Variants in PPM1E observed in about 807,000 individuals in gnomAD.
The protein encoded by PPM1E is protein phosphatase, Mg2+/Mn2+ dependent 1E.
A neutral mutation model predicts 65.9 loss-of-function variants in PPM1E; 20 were observed. That is an observed-to-expected ratio of 0.30 (90% CI 0.21 to 0.44). The LOEUF (loss-of-function observed/expected upper bound fraction) is 0.44, where lower values mean the gene tolerates loss of function less well. Among genes scored for constraint, PPM1E ranks in the 20% least tolerant of loss-of-function variants. The pLI, the probability that PPM1E is intolerant of heterozygous loss-of-function variation, is 1.00. For synonymous variants in PPM1E, 352 were observed against 374.9 expected, an observed-to-expected ratio of 0.94 and a Z score of 0.70; for missense variants, 713 against 953.1, an observed-to-expected ratio of 0.75 and a Z score of 3.32.
intron 1 of PPM1E, among the ~76,000 whole-genome samples, chr17:58,764,664 C>G (rs1222818670): frequency 6.6e-6 from 1 of 152,012 alleles, no homozygotes; most frequent in Admixed American, 6.6e-5. Context: ...GTCACCCGGG[C>G]TGGAGTGTAG....
intron 1 of PPM1E, among the ~76,000 whole-genome samples, chr17:58,779,172 C>G (rs1354015677): frequency 6.9e-6 from 1 of 144,778 alleles, no homozygotes; most frequent in African/African-American, 2.6e-5. Context: ...GTAATGAATT[C>G]TGATTTTTTT....
chr17:58,944,507 C>T (rs1487790008), intron 1 of PPM1E, among the ~76,000 whole-genome samples: 1 of 152,082 alleles, frequency 6.6e-6, no homozygotes, highest in East Asian at 1.9e-4. Context: ...CCCCTCCAGC[C>T]CTAAGCTACC....
intron 1 of PPM1E, among the ~76,000 whole-genome samples, chr17:58,876,055 C>CTATG (rs558722479): frequency 2.0e-5 from 3 of 152,048 alleles, no homozygotes; most frequent in Non-Finnish European, 4.4e-5. Context: ...ATGATGAGTA[C>CTATG]TATGGTTTGT....
At chr17:58,864,516 T>C (rs1451026140) in intron 1 of PPM1E, among the ~76,000 whole-genome samples, 1 of 152,094 alleles carries the variant, frequency 6.6e-6, no homozygotes, top group Non-Finnish European at 1.5e-5. Context: ...GGCTTGCGCC[T>C]GTAAGTCCAG....
intron 1 of PPM1E, among the ~76,000 whole-genome samples, chr17:58,870,821 C>T (rs1223856312): frequency 6.6e-6 from 1 of 152,068 alleles, no homozygotes; most frequent in African/African-American, 2.4e-5. Context: ...AGGAGGAATA[C>T]TTGGTTTTAG....
At chr17:58,853,915 G>A (rs2050855036) in intron 1 of PPM1E, among the ~76,000 whole-genome samples, 1 of 152,118 alleles carries the variant, frequency 6.6e-6, no homozygotes, top group African/African-American at 2.4e-5. Flanking sequence ...GGAGTCCCTT[G>A]AAATTCCATA....
chr17:58,809,549 A>C (rs1341208394), intron 1 of PPM1E, among the ~76,000 whole-genome samples: 1 of 151,964 alleles, frequency 6.6e-6, no homozygotes, highest in Non-Finnish European at 1.5e-5. Flanking sequence ...AGGCTGGGCT[A>C]ATTTTTGTTT....
intron 1 of PPM1E, among the ~76,000 whole-genome samples, chr17:58,857,036 A>C (rs1391069398): frequency 1.3e-5 from 2 of 152,100 alleles, no homozygotes; most frequent in Non-Finnish European, 2.9e-5. Flanking sequence ...AGTTTAACCT[A>C]TTTTTTGCCC....
At chr17:58,883,348 A>AT (rs1221267087) in intron 1 of PPM1E, among the ~76,000 whole-genome samples, 1 of 150,786 alleles carries the variant, frequency 6.6e-6, no homozygotes, top group Non-Finnish European at 1.5e-5. Flanking sequence ...CTTGGAAATA[A>AT]TTTTTTTCCT....
intron 2 of PPM1E, among the ~76,000 whole-genome samples, chr17:58,958,619 GA>G (rs964614875): frequency 2.7e-5 from 4 of 147,378 alleles, no homozygotes; most frequent in South Asian, 2.1e-4. Context: ...ATGTCTTCTA[GA>G]AAAAAAAAAT....
chr17:58,931,266 A>G (rs879863825), intron 1 of PPM1E, among the ~76,000 whole-genome samples: 82 of 151,978 alleles, frequency 5.4e-4, no homozygotes, highest in Non-Finnish European at 1.8e-4. Context: ...CATGCCTGTA[A>G]TCCCAGCTAC....
In PPM1E at chr17:58,972,258, C is replaced by G; in HGVS notation, c.1099C>G (p.His367Asp). Residue 367 changes from histidine (H) to aspartate (D), a missense_variant, in exon 5 of 7, where the codon CAC (histidine) becomes GAC (aspartate). Physicochemically the swap from His to Asp is moderately conservative, Grantham distance 81. Around this residue, in one of 6 missense-constraint regions of PPM1E, gnomAD observed 88 missense variants for 231.1 expected, o/e 0.38. Transcript: ENST00000308249. ...KGQAVELMKP[H>D]KPDREDEKQR... ...CCAAGCTGTTGAACTAATGAAGCCA[C>G]ACAAACCAGACAGAGAGGTAAGTAT... is the stretch of plus-strand genomic sequence containing the variant. The G allele has an allele frequency of 6.2e-7, 1 of 1,613,948 alleles. No individual in the cohort carries two copies. Among genetic ancestry groups the G allele is most frequent in the East Asian group, 2.2e-5 (1 of 44,874 alleles).
At chr17:58,821,654 A>G (rs545123927) in intron 1 of PPM1E, among the ~76,000 whole-genome samples, 43 of 152,310 alleles carry the variant, frequency 2.8e-4, no homozygotes, top group Middle Eastern at 3.4e-3. Context: ...TGAGAAGCGG[A>G]TACTGGTTAG....
intron 1 of PPM1E, among the ~76,000 whole-genome samples, chr17:58,786,588 T>G (rs2050103438): frequency 1.3e-5 from 2 of 152,338 alleles, no homozygotes; most frequent in Middle Eastern, 6.8e-3. Context: ...TTCATCGGGC[T>G]GCTACAGAAT....
chr17:58,970,428 C>T (rs906188670), intron 4 of PPM1E, among the ~76,000 whole-genome samples: 10 of 151,600 alleles, frequency 6.6e-5, no homozygotes, highest in South Asian at 2.1e-4. Context: ...TAACTGGGGA[C>T]GAATAAAAGA....
intron 1 of PPM1E, among the ~76,000 whole-genome samples, chr17:58,889,582 A>G (rs529201192): frequency 4.6e-5 from 7 of 152,108 alleles, no homozygotes; most frequent in African/African-American, 1.7e-4. Context: ...CTGGCAATAG[A>G]TCGAGACTCC....
chr17:58,948,938 A>G (rs373092143), intron 1 of PPM1E, among the ~76,000 whole-genome samples: 4 of 152,238 alleles, frequency 2.6e-5, no homozygotes, highest in East Asian at 3.8e-4. Context: ...CATGTAGTCA[A>G]TTCTGGAGAA....
At position 58,984,609 on chromosome 17, in the gene PPM1E, C is replaced by T. The variant is rs529884865; in HGVS notation, c.*3578C>T. 1 of 152,632 alleles carries T rather than the reference C, an allele frequency of 6.6e-6. No homozygotes were observed. The highest frequency in any genetic ancestry group is 2.1e-4 in the South Asian group (1 of 4,820). 9.5% of individuals were successfully genotyped at this position (152,632 alleles called of 1,614,324 possible). On this transcript the variant is annotated 3_prime_UTR_variant, in exon 7 of 7. Coordinates refer to ENST00000308249, the MANE Select transcript of PPM1E (RefSeq NM_014906.5). ...AAATTTTTTTCACCTTTGAAAATCA[C>T]GTGATGTTAAAGGACAAATGCCCAC... is the stretch of plus-strand genomic sequence containing the variant.
At chr17:58,878,273 G>A (rs547978297) in intron 1 of PPM1E, among the ~76,000 whole-genome samples, 9 of 151,816 alleles carry the variant, frequency 5.9e-5, no homozygotes, top group African/African-American at 9.7e-5. Flanking sequence ...ATGAAGTTTC[G>A]TTCTTGTTGC....
Sources: allele counts gnomAD v4.1 joint callset (sites outside exome capture counted in the v4.1 genomes callset), GRCh38; gene constraint gnomAD v4.1.1; regional missense constraint gnomAD v4.1.1; transcripts MANE v1.5; gene names NCBI Gene and HGNC (gene_info 2026-07-23, HGNC 2026-07-21).